The following DENND5B variants were observed in gnomAD, a reference collection of about 807,000 sequenced individuals.
The protein encoded by DENND5B is DENN domain containing 5B.
A neutral mutation model predicts 140.6 loss-of-function variants in DENND5B; 34 were observed. That is an observed-to-expected ratio of 0.24 (90% CI 0.18 to 0.32). The LOEUF (loss-of-function observed/expected upper bound fraction) is 0.32. DENND5B is among the 10% of genes least tolerant of loss of function. DENND5B has a pLI of 1.00. For missense variants in DENND5B, 1,142 were observed against 1,560.2 expected, an observed-to-expected ratio of 0.73 and a Z score of 4.52; for synonymous variants, 551 against 562.1, an observed-to-expected ratio of 0.98 and a Z score of 0.28.
intron 1 of DENND5B, among the ~76,000 whole-genome samples, chr12:31,522,954 A>G (rs1351157851): frequency 6.6e-6 from 1 of 152,080 alleles, no homozygotes; most frequent in Non-Finnish European, 1.5e-5. Flanking sequence ...TGGGGCTGTG[A>G]AACTCCCAAG....
chr12:31,590,537 A>C (rs1950583447), intron 1 of DENND5B, 169 bp downstream of exon 1: 1 of 822,646 alleles, frequency 1.2e-6, no homozygotes, highest in South Asian at 2.5e-5. Flanking sequence ...ACGCGGAATA[A>C]ATAACAATGT....
At chr12:31,472,602 G>A (rs1371965611) in intron 3 of DENND5B, among the ~76,000 whole-genome samples, 3 of 151,930 alleles carry the variant, frequency 2.0e-5, no homozygotes, top group Admixed American at 6.6e-5. Flanking sequence ...TGAAATGAAA[G>A]TCTTAATATA....
intron 3 of DENND5B, among the ~76,000 whole-genome samples, chr12:31,470,287 T>A (rs1280993391): frequency 6.6e-6 from 1 of 152,046 alleles, no homozygotes; most frequent in Non-Finnish European, 1.5e-5. Context: ...GGTAACTCTG[T>A]ATTTTTAGTA....
chr12:31,409,802 C>T (rs1189319056), intron 13 of DENND5B, among the ~76,000 whole-genome samples: 1 of 151,654 alleles, frequency 6.6e-6, no homozygotes, highest in African/African-American at 2.4e-5. Flanking sequence ...TGTTTCTTTC[C>T]CATTATGTCT....
At chr12:31,417,957 T>C (rs1942836418) in intron 11 of DENND5B, among the ~76,000 whole-genome samples, 1 of 152,208 alleles carries the variant, frequency 6.6e-6, no homozygotes, top group African/African-American at 2.4e-5. Context: ...ATATATGAAG[T>C]TGGCACTAAA....
chr12:31,487,515 A>G (rs1946355514), intron 2 of DENND5B, among the ~76,000 whole-genome samples: 1 of 152,138 alleles, frequency 6.6e-6, no homozygotes, highest in African/African-American at 2.4e-5. Context: ...AGCCTGGGCA[A>G]CATGACGAAA....
chr12:31,442,562 T>C (rs1329337362), intron 7 of DENND5B, among the ~76,000 whole-genome samples: 2 of 152,002 alleles, frequency 1.3e-5, no homozygotes, highest in Non-Finnish European at 2.9e-5. Flanking sequence ...AAAAAATCTC[T>C]AGCCTTTGTT....
chr12:31,388,916 C>T (rs915256718), intron 20 of DENND5B, among the ~76,000 whole-genome samples: 3 of 152,136 alleles, frequency 2.0e-5, no homozygotes, highest in Non-Finnish European at 2.9e-5. Context: ...ATCTATCTGT[C>T]GAGCCAGTAT....
At chr12:31,578,142 A>AC (rs1003400744) in intron 1 of DENND5B, among the ~76,000 whole-genome samples, 2 of 151,486 alleles carry the variant, frequency 1.3e-5, no homozygotes, top group African/African-American at 4.8e-5. Flanking sequence ...AAAAAAAAAA[A>AC]AAAAAAAAAC....
chr12:31,519,385 A>C (rs1016161631), intron 1 of DENND5B, among the ~76,000 whole-genome samples: 4 of 152,214 alleles, frequency 2.6e-5, no homozygotes, highest in African/African-American at 9.6e-5. Flanking sequence ...CCTTGAGTAG[A>C]TATAAACAAC....
rs1380956215 is a variant in DENND5B, at chr12:31,433,185, C to T, written c.2076G>A (p.Glu692=). 2.4e-5 allele frequency: 39 copies of T among 1,613,820 alleles called. No homozygotes were observed. The highest frequency in any genetic ancestry group is 3.1e-5 in the Non-Finnish European group (37 of 1,179,890). The change falls in exon 8 of 21, where the codon GAG becomes GAA. Residue 692 remains glutamate, a synonymous_variant. Coordinates refer to ENST00000389082, the MANE Select transcript of DENND5B (RefSeq NM_144973.4). ...RRKERLRQHS[E]HVGLDNDLRE... ...TCAAGTCGTTGTCCAGCCCAACATG[C>T]TCAGAATGCTGGCGAAGGCGTTCTT...
At chr12:31,400,726 TTA>T (rs950640956) in intron 15 of DENND5B, among the ~76,000 whole-genome samples, 4 of 152,254 alleles carry the variant, frequency 2.6e-5, no homozygotes, top group African/African-American at 4.8e-5. Flanking sequence ...AATTATACTT[TTA>T]GTTATTTTAA....
chr12:31,526,006 T>A (rs1386219262), intron 1 of DENND5B, among the ~76,000 whole-genome samples: 4 of 152,158 alleles, frequency 2.6e-5, no homozygotes, highest in African/African-American at 2.4e-5. Flanking sequence ...ATAAATTTTT[T>A]AAAAAATTCT....
At chr12:31,443,226 C>T (rs1417583570) in intron 6 of DENND5B, among the ~76,000 whole-genome samples, 1 of 152,204 alleles carries the variant, frequency 6.6e-6, no homozygotes, top group East Asian at 1.9e-4. Context: ...CAGGCATGTA[C>T]CACCAGTTCC....
At chr12:31,542,136 A>T (rs1162691631) in intron 1 of DENND5B, among the ~76,000 whole-genome samples, 1 of 152,030 alleles carries the variant, frequency 6.6e-6, no homozygotes, top group Non-Finnish European at 1.5e-5. Flanking sequence ...AAATACAAAA[A>T]AATTAGCTGG....
intron 1 of DENND5B, among the ~76,000 whole-genome samples, chr12:31,513,663 T>C (rs1333101924): frequency 6.6e-6 from 1 of 152,180 alleles, no homozygotes; most frequent in Non-Finnish European, 1.5e-5. Flanking sequence ...GGCTTCTTTG[T>C]TCTGTTTTGG....
At position 31,548,408 on chromosome 12, in the gene DENND5B, GA is replaced by G. The variant is rs200674218; in HGVS notation, c.127+42297del. Among the ~76,000 whole-genome samples the G allele has an allele frequency of 2.6e-4, 20 of 78,264 alleles. No homozygotes were observed. In the East Asian group the frequency reaches 0.01, roughly 40 times the overall value. 51.3% of individuals were successfully genotyped at this position (78,264 alleles called of 152,430 possible). A position where few individuals can be genotyped will look rare whatever the true frequency, so the allele number is the denominator to read the frequency against. On this transcript the variant is annotated intron_variant, in intron 1 of 20. Transcript: ENST00000389082. Reference sequence around the variant, plus strand: ...TCAAAAAACAAAAAAAAAAGAAGAAGAAAAAAAAAAGAATTTAAGCGACTCT... The same window carrying G: ...TCAAAAAACAAAAAAAAAAGAAGAAGAAAAAAAAAGAATTTAAGCGACTCT...
At chr12:31,588,820 A>C (rs1411744063) in intron 1 of DENND5B, among the ~76,000 whole-genome samples, 1 of 152,194 alleles carries the variant, frequency 6.6e-6, no homozygotes, top group Admixed American at 6.5e-5. Context: ...GTGCCTAAAA[A>C]ACCGACTACA....
intron 11 of DENND5B, among the ~76,000 whole-genome samples, chr12:31,423,069 T>C (rs1007009776): frequency 6.6e-6 from 1 of 151,894 alleles, no homozygotes; most frequent in African/African-American, 2.4e-5. Flanking sequence ...GCCTCCCCAG[T>C]AGCTGGGACT....
Sources: gnomAD v4.1 joint callset for allele counts (sites outside exome capture counted in the v4.1 genomes callset) on GRCh38, gnomAD v4.1.1 for gene constraint, MANE v1.5 for transcripts, NCBI Gene and HGNC (gene_info 2026-07-23, HGNC 2026-07-21) for gene names.